Variants in ARPIN observed in about 807,000 individuals in gnomAD.
ARPIN encodes the protein actin related protein 2/3 complex inhibitor, also known as UPF0552 protein C15orf38.
Under a neutral mutation model 25.9 loss-of-function variants are expected in ARPIN, and 23 were observed. That is an observed-to-expected ratio of 0.89 (90% CI 0.64 to 1.26). The LOEUF is 1.26. Among genes scored for constraint, ARPIN ranks in the 50% most tolerant of loss-of-function variants. The pLI is 0.00. For missense variants in ARPIN, 333 were observed against 312.2 expected (o/e 1.07, Z -0.50); for synonymous variants, 126 against 131.4 (o/e 0.96, Z 0.28).
intron 1 of ARPIN, among the ~76,000 whole-genome samples, chr15:89,911,819 T>C (rs1425197901): frequency 5.3e-5 from 8 of 151,782 alleles, no homozygotes; most frequent in African/African-American, 1.2e-4. Flanking sequence ...GCAATCACTG[T>C]TCACTGTTCT....
At chr15:89,912,663 T>TTGGGGGCCCCCC in intron 1 of ARPIN, 81 bp downstream of exon 1, 1 of 871,112 alleles carries the variant, frequency 1.1e-6, no homozygotes, top group East Asian at 1.0e-4. Context: ...CCCACCCGCA[T>TTGGGGGCCCCCC]CCCACCCCCC....
chr15:89,910,274 C>T (rs1407034978), intron 2 of ARPIN, among the ~76,000 whole-genome samples: 2 of 152,042 alleles, frequency 1.3e-5, no homozygotes, highest in Non-Finnish European at 2.9e-5. Flanking sequence ...AGTGGAAAGT[C>T]GGAACTAGCG....
In ARPIN at chr15:89,903,930, G is replaced by T; in HGVS notation, c.355C>A (p.Leu119Met). Residue 119 changes from leucine to methionine, a missense_variant, in exon 4 of 6, where the codon CTG becomes ATG. Physicochemically the swap from Leu to Met is conservative, Grantham distance 15 (BLOSUM62 2). Coordinates refer to ENST00000357484, the MANE Select transcript of ARPIN (RefSeq NM_182616.4). ...DRLTPEALKG[L>M]VNKPELLALT... ...GCGAGCAGCTCTGGCTTGTTGACCA[G>T]CCCCTTCAGCGCCTCGGGCGTGAGC... The T allele has an allele frequency of 6.2e-7, 1 of 1,612,498 alleles. No individual in the cohort carries two copies.
chr15:89,903,944 T>A lies in ARPIN; in HGVS notation c.341A>T (p.Glu114Val), dbSNP rs1897072638. Residue 114 changes from glutamate to valine, a missense_variant, in exon 4 of 6, where the codon GAG becomes GTG. By Grantham distance (121) the Glu-to-Val change is moderately radical. Coordinates refer to ENST00000357484, the MANE Select transcript of ARPIN (RefSeq NM_182616.4). ...CTTGTTGACCAGCCCCTTCAGCGCC[T>A]CGGGCGTGAGCCTGTCAGTGTCCCC... ...AKGDTDRLTP[E>V]ALKGLVNKPE... The A allele has an allele frequency of 1.9e-6, 3 of 1,610,994 alleles. No individual in the cohort carries two copies. The Admixed American group carries it at 5.0e-5, about 27-fold the overall frequency.
intron 5 of ARPIN, among the ~76,000 whole-genome samples, chr15:89,902,533 G>A (rs781219184): frequency 3.3e-5 from 5 of 151,728 alleles, no homozygotes; most frequent in Admixed American, 1.3e-4. Flanking sequence ...GCAAAACCTC[G>A]TCTCTACAAA....
chr15:89,905,921 T>C (rs952080588), intron 3 of ARPIN, among the ~76,000 whole-genome samples: 2 of 152,092 alleles, frequency 1.3e-5, no homozygotes, highest in African/African-American at 4.8e-5. Context: ...CCAGCAGTGC[T>C]CCTGGCAACT....
Position 89,910,727 on chromosome 15 carries a change from C to A in ARPIN, c.168+17G>T. ...GAAGTCAGTGCCCTCTAGCTAGCAC[C>A]GAGGAAGCATCCTCACCTTCCTGCC... is the stretch of plus-strand genomic sequence containing the variant. On this transcript the variant is annotated intron_variant, in intron 2 of 5. Coordinates refer to ENST00000357484, the MANE Select transcript of ARPIN (RefSeq NM_182616.4). 2 of 1,613,946 alleles carry A rather than the reference C, an allele frequency of 1.2e-6. No homozygotes were observed. Among genetic ancestry groups the A allele is most frequent in the Non-Finnish European group, 1.7e-6 (2 of 1,179,856 alleles).
intron 2 of ARPIN, among the ~76,000 whole-genome samples, chr15:89,908,819 C>CAA (rs1376673713): frequency 6.6e-6 from 1 of 151,894 alleles, no homozygotes; most frequent in Non-Finnish European, 1.5e-5. Flanking sequence ...CTGTCTCCAT[C>CAA]AAAAATATAA....
chr15:89,904,010 A>G (rs139444662), intron 3 of ARPIN, 27 bp from the exon 4 acceptor site: 2 of 1,576,366 alleles, frequency 1.3e-6, no homozygotes, highest in African/African-American at 2.7e-5. Context: ...CAGGAGGGTC[A>G]TTATCACTGT....
chr15:89,907,075 C>A (rs12594290), intron 3 of ARPIN, among the ~76,000 whole-genome samples: 1 of 71,820 alleles, frequency 1.4e-5, no homozygotes, highest in Non-Finnish European at 2.9e-5. Flanking sequence ...ATTATTATTA[C>A]TATTTTTTTT....
Position 89,900,618 on chromosome 15 carries a change from T to C in ARPIN, c.*1177A>G, listed in dbSNP as rs1350271463. 2.0e-5 allele frequency: 3 copies of C among 152,206 alleles called. No individual in the cohort carries two copies. The highest frequency in any genetic ancestry group is 4.4e-5 in the Non-Finnish European group (3 of 68,050). The allele number at this position is 152,206 out of a possible 1,614,324, so 9.4% of individuals were successfully genotyped here. On this transcript the variant is annotated 3_prime_UTR_variant, in exon 6 of 6. Transcript: ENST00000357484. ...TCATGGAAATCATCTAGCATTGTGT[T>C]CGACACATTAGGGGGACTCCATAAT...
chr15:89,895,787 G>T lies in ARPIN; in HGVS notation c.*6008C>A, dbSNP rs1896921429. ...GTCTTACCCAGGTTGGAGTGCAGTG[G>T]CACAGTCATACCTCACTGTAACCTC... On this transcript the variant is annotated 3_prime_UTR_variant, in exon 6 of 6. Transcript: ENST00000357484. 6.6e-6 allele frequency: 1 copy of T among 152,264 alleles called. No individual in the cohort carries two copies. Among genetic ancestry groups the T allele is most frequent in the Non-Finnish European group, 1.5e-5 (1 of 68,084 alleles). 9.4% of individuals were successfully genotyped at this position (152,264 alleles called of 1,614,324 possible). A position where few individuals can be genotyped will look rare whatever the true frequency, so the allele number is the denominator to read the frequency against.
chr15:89,902,939 T>TGATTAATATCCCTCTGCACC, intron 5 of ARPIN: 1 of 1,379,578 alleles, frequency 7.2e-7, no homozygotes, highest in East Asian at 2.8e-5. Flanking sequence ...TTAATGACCA[T>TGATTAATATCCCTCTGCACC]GATTAATATC....
rs1897007250 is a variant in ARPIN, at chr15:89,900,848, C to T, written c.*947G>A. 1.3e-5 allele frequency: 2 copies of T among 152,286 alleles called. No individual in the cohort carries two copies. Among genetic ancestry groups the T allele is most frequent in the African/African-American group, 4.8e-5 (2 of 41,556 alleles). The allele number at this position is 152,286 out of a possible 1,614,324, so 9.4% of individuals were successfully genotyped here. The stretch of plus-strand genomic sequence containing the variant: ...CAGCTGAAAGGCCGTTTACACCTGA[C>T]AATAACCCAGTAAGGGTGGAGGAAT... On this transcript the variant is annotated 3_prime_UTR_variant, in exon 6 of 6. Transcript: ENST00000357484.
At chr15:89,910,703 A>G (rs1394350251) in intron 2 of ARPIN, 41 bp downstream of exon 2, 5 of 1,613,028 alleles carry the variant, frequency 3.1e-6, no homozygotes, top group Non-Finnish European at 4.2e-6. Context: ...GATGACCGTG[A>G]AGTCAGTGCC....
Position 89,908,303 on chromosome 15 carries a change from G to A in ARPIN, c.278C>T (p.Thr93Met), listed in dbSNP as rs373434670. 42 of 1,614,090 alleles carry A rather than the reference G, an allele frequency of 2.6e-5. No homozygotes were observed. Among genetic ancestry groups the A allele is most frequent in the South Asian group, 1.5e-4 (14 of 91,090 alleles). ...ACTGTAGGACGACATGAGGAAGCCC[G>A]TGTTCACCTTCCTGGTGGCGCTGAA... ...PNFSATRKVNTGFLMSSYKVE... is the reference protein window; with the variant it reads ...PNFSATRKVNMGFLMSSYKVE... Residue 93 changes from threonine (T) to methionine (M), a missense_variant, in exon 3 of 6, where the codon ACG becomes ATG. By Grantham distance (81) the Thr-to-Met change is moderately conservative. Coordinates refer to ENST00000357484, the MANE Select transcript of ARPIN (RefSeq NM_182616.4).
At chr15:89,904,937 T>C (rs1897092273) in intron 3 of ARPIN, among the ~76,000 whole-genome samples, 1 of 151,898 alleles carries the variant, frequency 6.6e-6, no homozygotes. Flanking sequence ...CCTGACACCC[T>C]CTAGACAGAG....
Position 89,903,269 on chromosome 15 carries a change from C to T in ARPIN, c.619G>A (p.Gly207Arg). 2.5e-6 allele frequency: 4 copies of T among 1,614,242 alleles called. No homozygotes were observed. Among genetic ancestry groups the T allele is most frequent in the Non-Finnish European group, 3.4e-6 (4 of 1,180,048 alleles). The change falls in exon 5 of 6, where the codon GGG (glycine) becomes AGG (arginine). Residue 207 changes from glycine to arginine, a missense_variant. Gly to Arg is a moderately radical substitution (Grantham distance 125). Transcript: ENST00000357484. ...DNIMAQKCSK[G>R]AAAEIREQGD... ...TGCTCTCGGATCTCCGCTGCAGCCC[C>T]CTTCGAACACTTTTGGGCCATGATG... is the stretch of plus-strand genomic sequence containing the variant.
At position 89,903,382 on chromosome 15, in the gene ARPIN, G is replaced by C; in HGVS notation, c.509-3C>G. ...AGCCTCAAGTTTGGCCAATGAATCTGAAAGAAGAGATGAAATTGAATGTCC... is the reference window on the plus strand; with the variant it reads ...AGCCTCAAGTTTGGCCAATGAATCTCAAAGAAGAGATGAAATTGAATGTCC... On this transcript the variant is annotated splice_region_variant and splice_polypyrimidine_tract_variant and intron_variant, in intron 4 of 5. Coordinates refer to ENST00000357484, the MANE Select transcript of ARPIN (RefSeq NM_182616.4). 2 of 1,614,186 alleles carry C rather than the reference G, an allele frequency of 1.2e-6. No homozygotes were observed. The highest frequency in any genetic ancestry group is 1.7e-6 in the Non-Finnish European group (2 of 1,180,008).
Sources: gnomAD v4.1 joint callset for allele counts (sites outside exome capture counted in the v4.1 genomes callset) on GRCh38, gnomAD v4.1.1 for gene constraint, MANE v1.5 for transcripts, NCBI Gene and HGNC (gene_info 2026-07-23, HGNC 2026-07-21) for gene names.